Variants in DIP2B observed in about 807,000 individuals in gnomAD.
DIP2B encodes DIP2 acetate--CoA ligase B (putative).
DIP2B carries 76 observed loss-of-function variants against 198.0 expected under a neutral mutation model. The observed-to-expected ratio is 0.38, with a 90% CI of 0.32 to 0.46. The LOEUF (loss-of-function observed/expected upper bound fraction) is 0.46, where lower values mean the gene tolerates loss of function less well. DIP2B is among the 20% of genes least tolerant of loss of function. The probability of loss-of-function intolerance (pLI) is 0.99; values close to 1 mark genes in which losing one functional copy is unlikely to be tolerated. For missense variants in DIP2B, 1,559 were observed against 1,978.4 expected, an observed-to-expected ratio of 0.79 and a Z score of 4.02; for synonymous variants, 701 against 739.1, an observed-to-expected ratio of 0.95 and a Z score of 0.84.
intron 1 of DIP2B, among the ~76,000 whole-genome samples, chr12:50,584,350 GC>G (rs1311263828): frequency 6.6e-6 from 1 of 152,056 alleles, no homozygotes; most frequent in Non-Finnish European, 1.5e-5. Flanking sequence ...CCCCTGTCCA[GC>G]CCTTCAGCAG....
chr12:50,590,925 T>TA (rs1401052767), intron 1 of DIP2B, among the ~76,000 whole-genome samples: 1 of 152,214 alleles, frequency 6.6e-6, no homozygotes, highest in Non-Finnish European at 1.5e-5. Flanking sequence ...GCCAATGTGA[T>TA]ACTTTTAAGA....
At chr12:50,739,019 C>T (rs780859405) in intron 35 of DIP2B, among the ~76,000 whole-genome samples, 2 of 152,212 alleles carry the variant, frequency 1.3e-5, no homozygotes, top group Non-Finnish European at 2.9e-5. Flanking sequence ...GAAACGATCC[C>T]TGATGTGTTC....
chr12:50,548,446 TAACTGCAGTCTGACATTCAATTA>T (rs1958396108), intron 1 of DIP2B, among the ~76,000 whole-genome samples: 1 of 152,210 alleles, frequency 6.6e-6, no homozygotes, highest in African/African-American at 2.4e-5. Flanking sequence ...AAATACAGAG[TAACTGCAGTCTGACATTCAATTA>T]AGCTACAGAA....
chr12:50,739,265 G>A, intron 35 of DIP2B, 144 bp from the exon 36 acceptor site: 1 of 787,552 alleles, frequency 1.3e-6, no homozygotes, highest in African/African-American at 1.7e-5. Context: ...ATGAGCACGT[G>A]GTAAATGTCA....
chr12:50,714,266 T>C, intron 22 of DIP2B, 129 bp from the exon 23 acceptor site: 1 of 873,570 alleles, frequency 1.1e-6, no homozygotes, highest in Non-Finnish European at 1.8e-6. Flanking sequence ...ATCTTAGTGA[T>C]CTGCCAGATT....
At chr12:50,610,044 C>G (rs1230544861) in intron 1 of DIP2B, among the ~76,000 whole-genome samples, 1 of 152,148 alleles carries the variant, frequency 6.6e-6, no homozygotes, top group Non-Finnish European at 1.5e-5. Flanking sequence ...TCTGCAGATA[C>G]AGCTATAACA....
At chr12:50,711,059 C>T (rs972786200) in intron 22 of DIP2B, among the ~76,000 whole-genome samples, 7 of 152,126 alleles carry the variant, frequency 4.6e-5, no homozygotes, top group African/African-American at 1.7e-4. Context: ...TGACATCTCC[C>T]AAGATATTTG....
At chr12:50,572,641 C>A (rs7135222) in intron 1 of DIP2B, among the ~76,000 whole-genome samples, 19,481 of 152,200 alleles carry the variant, frequency 0.13, 2,421 homozygotes, top group East Asian at 0.36. Flanking sequence ...CTTCCATTCT[C>A]CACCTTTGCC....
chr12:50,520,035 C>CTTTTTTT (rs35179881), intron 1 of DIP2B, among the ~76,000 whole-genome samples: 1 of 100,558 alleles, frequency 9.9e-6, no homozygotes, highest in Non-Finnish European at 1.9e-5. Flanking sequence ...ATTGAATCTC[C>CTTTTTTT]TTTTTTTTTT....
intron 1 of DIP2B, among the ~76,000 whole-genome samples, chr12:50,521,489 C>CTTTTTTTTTT (rs35971707): frequency 3.1e-5 from 3 of 98,246 alleles, no homozygotes; most frequent in Non-Finnish European, 5.9e-5. Context: ...AGGTTTCTTT[C>CTTTTTTTTTT]TTTTTTTTTT....
At chr12:50,648,863 T>C (rs1249904884) in intron 3 of DIP2B, among the ~76,000 whole-genome samples, 2 of 152,156 alleles carry the variant, frequency 1.3e-5, no homozygotes, top group Non-Finnish European at 2.9e-5. Flanking sequence ...TGATAATTTA[T>C]CTAGAAAACT....
chr12:50,704,131 G>A lies in DIP2B; in HGVS notation c.2326-9G>A. 6.3e-7 allele frequency: 1 copy of A among 1,599,390 alleles called. No homozygotes were observed. Among genetic ancestry groups the A allele is most frequent in the Non-Finnish European group, 8.5e-7 (1 of 1,176,652 alleles). On this transcript the variant is annotated splice_polypyrimidine_tract_variant and intron_variant, in intron 19 of 37. Transcript: ENST00000301180. ...CAAAGTTTTTCACTTACTTCATTTT[G>A]TCTCTTAGGTAATTCCAGTGAATTC...
intron 12 of DIP2B, among the ~76,000 whole-genome samples, chr12:50,688,862 C>T (rs574459293): frequency 1.2e-4 from 19 of 152,136 alleles, no homozygotes; most frequent in Non-Finnish European, 2.5e-4. Flanking sequence ...GGAGGGTCCT[C>T]CATTGTGTGG....
intron 1 of DIP2B, among the ~76,000 whole-genome samples, chr12:50,524,257 G>A (rs1015413972): frequency 1.3e-5 from 2 of 152,172 alleles, no homozygotes; most frequent in South Asian, 4.1e-4. Flanking sequence ...TTACCTGGTG[G>A]TGTCCCAGCT....
chr12:50,584,789 C>T (rs755634898), intron 1 of DIP2B, among the ~76,000 whole-genome samples: 4 of 152,134 alleles, frequency 2.6e-5, no homozygotes, highest in Non-Finnish European at 4.4e-5. Flanking sequence ...GTCTTGAACT[C>T]GTGACCTCAA....
At chr12:50,633,406 G>A (rs1490253914) in intron 2 of DIP2B, 2 of 152,148 alleles carry the variant, frequency 1.3e-5, no homozygotes, top group Non-Finnish European at 2.9e-5. Flanking sequence ...ACATGTCATT[G>A]TGTAAGGAAG....
chr12:50,632,715 T>C (rs1452554558), intron 2 of DIP2B, among the ~76,000 whole-genome samples: 1 of 151,304 alleles, frequency 6.6e-6, no homozygotes, highest in Non-Finnish European at 1.5e-5. Flanking sequence ...TTTTGTATTT[T>C]CAGTAGAGAC....
intron 4 of DIP2B, among the ~76,000 whole-genome samples, chr12:50,662,236 T>C (rs1234248018): frequency 1.3e-5 from 2 of 152,212 alleles, no homozygotes; most frequent in Non-Finnish European, 2.9e-5. Context: ...TACCCATTTA[T>C]CTCCTGTTCT....
At chr12:50,638,844 T>TATCTGAA (rs1938203899) in intron 2 of DIP2B, among the ~76,000 whole-genome samples, 1 of 143,944 alleles carries the variant, frequency 6.9e-6, no homozygotes, top group Non-Finnish European at 1.5e-5. Flanking sequence ...CTGAAATGCT[T>TATCTGAA]GGGACTAGAA....
Sources: gnomAD v4.1 joint callset for allele counts (sites outside exome capture counted in the v4.1 genomes callset) on GRCh38, gnomAD v4.1.1 for gene constraint, MANE v1.5 for transcripts, NCBI Gene and HGNC (gene_info 2026-07-23, HGNC 2026-07-21) for gene names.